Variants in SGCG observed in about 807,000 individuals in gnomAD.
SGCG encodes the protein gamma-sarcoglycan.
In SGCG, 26 loss-of-function variants were observed where a neutral mutation model predicts 29.3. The ratio of observed to expected loss-of-function variants is 0.89; its 90% CI spans 0.65 to 1.23. The LOEUF (loss-of-function observed/expected upper bound fraction) is 1.23, where lower values mean the gene tolerates loss of function less well. SGCG is among the 50% of genes most tolerant of loss of function. The probability of loss-of-function intolerance (pLI) is 0.00; values close to 1 mark genes in which losing one functional copy is unlikely to be tolerated. For synonymous variants in SGCG, 145 were observed against 129.7 expected (o/e 1.12, Z -0.80); for missense variants, 353 against 356.0 (o/e 0.99, Z 0.07).
the SGCG span, among the ~76,000 whole-genome samples, chr13:23,167,637 T>C: frequency 3.3e-5 from 5 of 152,220 alleles, no homozygotes; most frequent in African/African-American, 1.2e-4. Flanking sequence ...TTTATTTGCA[T>C]TCCTCTGATG....
At chr13:23,300,537 A>C (rs1234654284) in intron 6 of SGCG, among the ~76,000 whole-genome samples, 1 of 152,116 alleles carries the variant, frequency 6.6e-6, no homozygotes, top group Non-Finnish European at 1.5e-5. Flanking sequence ...ACGATGTCAC[A>C]AGAAAGATTG....
At chr13:23,303,149 A>C (rs1021614046) in intron 6 of SGCG, among the ~76,000 whole-genome samples, 15 of 152,104 alleles carry the variant, frequency 9.9e-5, no homozygotes, top group Admixed American at 4.6e-4. Flanking sequence ...TTTCTACCCC[A>C]GTGTAATACA....
rs895737963 is a variant in SGCG, at chr13:23,204,758, T to G, written c.195+869T>G. Among the ~76,000 whole-genome samples the G allele has an allele frequency of 2.4e-3, 355 of 148,224 alleles. 3 individuals carry two copies. The highest frequency in any genetic ancestry group is 7.4e-3 in the African/African-American group (296 of 39,980). ...TCTCACTCTGTTGCCCAGGCTGGAGTGCAGTGGTGCAATCTTGGCTCACTG... is the reference window on the plus strand; with the variant it reads ...TCTCACTCTGTTGCCCAGGCTGGAGGGCAGTGGTGCAATCTTGGCTCACTG... On this transcript the variant is annotated intron_variant, in intron 2 of 7. Transcript: ENST00000218867.
chr13:23,286,055 GC>G (rs1881485258), intron 5 of SGCG, among the ~76,000 whole-genome samples: 1 of 152,118 alleles, frequency 6.6e-6, no homozygotes, highest in Non-Finnish European at 1.5e-5. Context: ...TTCCTGTTTG[GC>G]CATCTTGCCA....
At chr13:23,209,980 A>G (rs1878130266) in intron 2 of SGCG, among the ~76,000 whole-genome samples, 1 of 152,234 alleles carries the variant, frequency 6.6e-6, no homozygotes, top group Admixed American at 6.5e-5. Flanking sequence ...AAGCAAAGAG[A>G]AAAACTCTAA....
chr13:23,311,707 T>C (rs2137510282), intron 6 of SGCG, among the ~76,000 whole-genome samples: 1 of 152,274 alleles, frequency 6.6e-6, no homozygotes, highest in Admixed American at 6.5e-5. Flanking sequence ...CAGGATAAAA[T>C]TACTAAAGAT....
chr13:23,316,837 C>A (rs1882832719), intron 6 of SGCG, among the ~76,000 whole-genome samples: 1 of 152,154 alleles, frequency 6.6e-6, no homozygotes, highest in East Asian at 1.9e-4. Flanking sequence ...ACACTTTGGG[C>A]TCCTCCTATG....
At chr13:23,294,023 A>G (rs1171125672) in intron 5 of SGCG, among the ~76,000 whole-genome samples, 2 of 152,182 alleles carry the variant, frequency 1.3e-5, no homozygotes, top group African/African-American at 4.8e-5. Flanking sequence ...TCAACTTGCA[A>G]TGGCTTGCCT....
At chr13:23,169,902 A>G in the SGCG span, 1 of 152,186 alleles carries the variant, frequency 6.6e-6, no homozygotes, top group Admixed American at 6.5e-5. Flanking sequence ...TGGTTTGGGC[A>G]TGCCTTGATC....
At chr13:23,204,468 G>T (rs1267075650) in intron 2 of SGCG, among the ~76,000 whole-genome samples, 1 of 152,110 alleles carries the variant, frequency 6.6e-6, no homozygotes, top group Non-Finnish European at 1.5e-5. Context: ...GCTAAATGTA[G>T]AATGTCTTAA....
chr13:23,252,929 T>C (rs1880032615), intron 4 of SGCG, among the ~76,000 whole-genome samples: 1 of 152,200 alleles, frequency 6.6e-6, no homozygotes, highest in Admixed American at 6.5e-5. Flanking sequence ...GGCTTACTTC[T>C]CTCAGCCAGC....
the SGCG span, among the ~76,000 whole-genome samples, chr13:23,162,527 GA>G: frequency 1.3e-5 from 2 of 152,220 alleles, no homozygotes; most frequent in Non-Finnish European, 2.9e-5. Context: ...TCCGGAGGCT[GA>G]GGCAGAAGAA....
At chr13:23,311,994 G>T (rs1269932256) in intron 6 of SGCG, among the ~76,000 whole-genome samples, 4 of 152,114 alleles carry the variant, frequency 2.6e-5, no homozygotes, top group Admixed American at 6.6e-5. Context: ...AGAAGAAGGT[G>T]AGCCTCATCG....
chr13:23,249,517 C>T (rs1879875787), intron 3 of SGCG, among the ~76,000 whole-genome samples: 1 of 151,722 alleles, frequency 6.6e-6, no homozygotes, highest in Non-Finnish European at 1.5e-5. Context: ...AAAATTCATA[C>T]CTGCTTATTA....
intron 7 of SGCG, among the ~76,000 whole-genome samples, chr13:23,322,772 C>CCA (rs1883094462): frequency 3.4e-5 from 1 of 29,654 alleles, no homozygotes; most frequent in Non-Finnish European, 6.9e-5. Context: ...CCATCCACCT[C>CCA]CCCCCCCCCC....
chr13:23,167,130 A>G, the SGCG span, among the ~76,000 whole-genome samples: 1 of 152,178 alleles, frequency 6.6e-6, no homozygotes, highest in African/African-American at 2.4e-5. Flanking sequence ...AGATGCCGCA[A>G]ATAAGTGAGA....
the SGCG span, chr13:23,170,141 A>G: frequency 8.5e-5 from 13 of 152,256 alleles, no homozygotes; most frequent in African/African-American, 2.2e-4. Context: ...TCTGTGAACA[A>G]GAGAATATCT....
Position 23,183,028 on chromosome 13 carries a change from CAT to C in SGCG, c.-1+1954_-1+1955del, listed in dbSNP as rs1200122342. ...TGCTCAATTAATTTTACTTGAGAAA[CAT>C]CTCTGGAAAGTCTAACATCAATGAA... On this transcript the variant is annotated intron_variant, in intron 1 of 7. Transcript: ENST00000218867. Among the ~76,000 whole-genome samples the C allele has an allele frequency of 8.5e-5, 13 of 152,294 alleles. No individual in the cohort carries two copies. In the East Asian group the frequency reaches 2.5e-3, roughly 29 times the overall value.
chr13:23,165,351 T>G, the SGCG span, among the ~76,000 whole-genome samples: 1 of 152,144 alleles, frequency 6.6e-6, no homozygotes, highest in African/African-American at 2.4e-5. Context: ...AATTATGTTA[T>G]ATATGAGATA....
Sources: allele counts gnomAD v4.1 joint callset (sites outside exome capture counted in the v4.1 genomes callset), GRCh38; gene constraint gnomAD v4.1.1; transcripts MANE v1.5; gene names NCBI Gene and HGNC (gene_info 2026-07-23, HGNC 2026-07-21).